RHBDF1: variants seen among roughly 807,000 people sequenced by gnomAD.
RHBDF1 encodes the protein rhomboid 5 homolog 1.
RHBDF1 carries 80 observed loss-of-function variants against 98.6 expected under a neutral mutation model. That is an observed-to-expected ratio of 0.81 (90% CI 0.68 to 0.98). The LOEUF (loss-of-function observed/expected upper bound fraction) is 0.98, where lower values mean the gene tolerates loss of function less well. Among genes scored for constraint, RHBDF1 ranks in the 50% least tolerant of loss-of-function variants. The pLI is 0.00. For missense variants in RHBDF1, 1,116 were observed against 1,198.3 expected, an observed-to-expected ratio of 0.93 and a Z score of 1.01; for synonymous variants, 512 against 486.8, an observed-to-expected ratio of 1.05 and a Z score of -0.68.
At chr16:74,204 C>G (rs1175837057), upstream of RHBDF1, among the ~76,000 whole-genome samples, 1 of 151,032 alleles carries the variant, frequency 6.6e-6, no homozygotes, top group African/African-American at 2.4e-5. Context: ...AGGCTCACAG[C>G]CAGAGACAGG....
chr16:70,828 G>C (rs1272776759), intron 1 of RHBDF1, among the ~76,000 whole-genome samples: 1 of 152,226 alleles, frequency 6.6e-6, no homozygotes, highest in African/African-American at 2.4e-5. Flanking sequence ...ACGGCTGTCA[G>C]ACCCTTCTAA....
At chr16:63,964 C>T in intron 3 of RHBDF1, 164 bp from the exon 4 acceptor site, 1 of 763,896 alleles carries the variant, frequency 1.3e-6, no homozygotes, top group Non-Finnish European at 2.3e-6. Flanking sequence ...TGGGTTCCAG[C>T]CACCCCCTGA....
At position 63,148 on chromosome 16, in the gene RHBDF1, C is replaced by T. The variant is rs1897709040; in HGVS notation, c.497G>A (p.Arg166His). The change falls in exon 5 of 18, where the codon CGT (arginine) becomes CAT (histidine). Residue 166 changes from arginine (R) to histidine (H), a missense_variant. Physicochemically the swap from Arg to His is conservative, Grantham distance 29. Coordinates refer to ENST00000262316, the MANE Select transcript of RHBDF1 (RefSeq NM_022450.5). The part of the protein sequence containing the change: ...IDPLARGRAF[R>H]VADDTAEGLS... ...GCCTTCCGCAGTGTCATCTGCCACA[C>T]GGAAGGCACGGCCACGGGCCAGGGG... 6.3e-7 allele frequency: 1 copy of T among 1,591,920 alleles called. No individual in the cohort carries two copies.
At chr16:65,456 C>T (rs2141859610) in intron 1 of RHBDF1, among the ~76,000 whole-genome samples, 1 of 152,322 alleles carries the variant, frequency 6.6e-6, no homozygotes, top group South Asian at 2.1e-4. Flanking sequence ...ACTAGGGTTG[C>T]TTGACAGGAG....
Position 58,634 on chromosome 16 carries a change from G to A in RHBDF1, c.2274C>T (p.Leu758=), listed in dbSNP as rs1342173261. Residue 758 remains leucine, a synonymous_variant, in exon 18 of 18, where the codon CTC becomes CTT. Coordinates refer to ENST00000262316, the MANE Select transcript of RHBDF1 (RefSeq NM_022450.5). ...TCCACGGCAGCAGCCCAAAGGTGAA[G>A]AGGAAGAGCACCACAGCCAGCAGCT... ...FFKLLAVVLF[L]FTFGLLPWID... 32 of 1,613,550 alleles carry A rather than the reference G, an allele frequency of 2.0e-5. No individual in the cohort carries two copies. The highest frequency in any genetic ancestry group is 2.7e-5 in the Non-Finnish European group (32 of 1,180,024).
rs752402341 is a variant in RHBDF1 at position 61,917 on chromosome 16, G to A, written c.1089C>T (p.Leu363=). The change falls in exon 8 of 18, where the codon CTC becomes CTT. Residue 363 remains leucine, a synonymous_variant. Coordinates refer to ENST00000262316, the MANE Select transcript of RHBDF1 (RefSeq NM_022450.5). ...CATACGGCCGCTTCTCCCGGGCGAA[G>A]AGCTTGCGCACCGGCACCGCGATAC... is the stretch of plus-strand genomic sequence containing the variant. ...GQRIAVPVRK[L]FAREKRPYGL... is the part of the protein sequence containing the mutation. The A allele has an allele frequency of 2.5e-6, 4 of 1,602,908 alleles. No homozygotes were observed. Among genetic ancestry groups the A allele is most frequent in the Non-Finnish European group, 3.4e-6 (4 of 1,179,600 alleles).
intron 1 of RHBDF1, among the ~76,000 whole-genome samples, chr16:67,836 T>A (rs1897867983): frequency 6.6e-6 from 1 of 152,162 alleles, no homozygotes; most frequent in Non-Finnish European, 1.5e-5. Flanking sequence ...GGAGGATTCC[T>A]CAAGATGACC....
chr16:62,051 G>T lies in RHBDF1; in HGVS notation c.955C>A (p.Pro319Thr). 2.7e-6 allele frequency: 4 copies of T among 1,460,614 alleles called. No individual in the cohort carries two copies. Among genetic ancestry groups the T allele is most frequent in the Non-Finnish European group, 3.6e-6 (4 of 1,110,948 alleles). The allele number at this position is 1,460,614 out of a possible 1,614,324, so 90.5% of individuals were successfully genotyped here. ...TGCTTCCGCCAGCCTCGCTCCAAGGGCCTGGAGGGAGCCGGCATTCACCTC... is the reference window on the plus strand; with the variant it reads ...TGCTTCCGCCAGCCTCGCTCCAAGGTCCTGGAGGGAGCCGGCATTCACCTC... ...SELERSHLML[P>T]LERGWRKQKE... is the part of the protein sequence containing the mutation. Residue 319 changes from proline (P) to threonine (T), a missense_variant and splice_region_variant, in exon 8 of 18, where the codon CCC becomes ACC. By Grantham distance (38) the Pro-to-Thr change is conservative. Transcript: ENST00000262316.
At chr16:63,560 G>A in intron 4 of RHBDF1, 27 bp downstream of exon 4, 1 of 1,514,392 alleles carries the variant, frequency 6.6e-7, no homozygotes, top group Non-Finnish European at 8.9e-7. Flanking sequence ...GGAGGGGCCT[G>A]CAGGAGGCAG....
At chr16:60,345 G>A in intron 12 of RHBDF1, 66 bp from the exon 13 acceptor site, 1 of 1,607,302 alleles carries the variant, frequency 6.2e-7, no homozygotes, top group Non-Finnish European at 8.5e-7. Flanking sequence ...TTCCAGCCAA[G>A]TCGCCAACAA....
At chr16:64,006 C>G in intron 3 of RHBDF1, 1 of 721,624 alleles carries the variant, frequency 1.4e-6, no homozygotes, top group Non-Finnish European at 2.5e-6. Flanking sequence ...TCCACTAGAC[C>G]GCAGCTGGCC....
Position 72,517 on chromosome 16 carries a change from G to C in RHBDF1, c.-29C>G, listed in dbSNP as rs1162650914. ...CTCCCGGCCGCGCTCACTCACTGCC[G>C]CCGCCGGGGGCTCTGGGGGGTCCTG... On this transcript the variant is annotated 5_prime_UTR_variant, in exon 1 of 18. Coordinates refer to ENST00000262316, the MANE Select transcript of RHBDF1 (RefSeq NM_022450.5). 2 of 831,070 alleles carry C rather than the reference G, an allele frequency of 2.4e-6. No individual in the cohort carries two copies. Among genetic ancestry groups the C allele is most frequent in the Non-Finnish European group, 2.6e-6 (2 of 759,822 alleles). 51.5% of individuals were successfully genotyped at this position (831,070 alleles called of 1,614,324 possible).
rs1192641195 is a variant in RHBDF1, at chr16:58,661, G to A, written c.2247C>T (p.Phe749=). 1.9e-6 allele frequency: 3 copies of A among 1,613,226 alleles called. No homozygotes were observed. The highest frequency in any genetic ancestry group is 2.2e-5 in the South Asian group (2 of 91,084). ...GGAAGAGCACCACAGCCAGCAGCTT[G>A]AAGAAGGCACGCCAGGGCCGCGCCA... ...QILARPWRAF[F]KLLAVVLFLF... Residue 749 remains phenylalanine, a synonymous_variant, in exon 18 of 18, where the codon TTC becomes TTT. Transcript: ENST00000262316.
intron 10 of RHBDF1, 22 bp from the exon 11 acceptor site, chr16:61,303 G>C: frequency 1.3e-6 from 2 of 1,541,750 alleles, no homozygotes; most frequent in African/African-American, 1.4e-5. Context: ...GGAGACGAGC[G>C]GCCGCAGTCC....
In RHBDF1 at chr16:63,735, C is replaced by T. The variant is rs770517931; in HGVS notation, c.314G>A (p.Ser105Asn). Residue 105 changes from serine to asparagine, a missense_variant, in exon 4 of 18, where the codon AGC (serine) becomes AAC (asparagine). Physicochemically the swap from Ser to Asn is conservative, Grantham distance 46. Transcript: ENST00000262316. ...GTAGCGCTGGCTGCAGTGACGGATGCTCTTGCGCTGCCATTTCTGGGTGCT... is the reference window on the plus strand; with the variant it reads ...GTAGCGCTGGCTGCAGTGACGGATGTTCTTGCGCTGCCATTTCTGGGTGCT... The part of the protein sequence containing the change: ...SDSTQKWQRK[S>N]IRHCSQRYGK... The T allele has an allele frequency of 6.2e-7, 1 of 1,613,758 alleles. No individual in the cohort carries two copies. The highest frequency in any genetic ancestry group is 8.5e-7 in the Non-Finnish European group (1 of 1,179,960).
intron 13 of RHBDF1, 51 bp from the exon 14 acceptor site, chr16:59,877 C>G (rs1455921015): frequency 6.2e-7 from 1 of 1,612,408 alleles, no homozygotes; most frequent in African/African-American, 1.3e-5. Context: ...CAACCTTTGG[C>G]CCCACACCAC....
intron 1 of RHBDF1, among the ~76,000 whole-genome samples, chr16:71,606 G>A: frequency 6.6e-6 from 1 of 152,204 alleles, no homozygotes; most frequent in East Asian, 1.9e-4. Context: ...TCCCAGGATA[G>A]GAGAAGGGCC....
At chr16:64,465 G>T in intron 3 of RHBDF1, 2 of 1,505,630 alleles carry the variant, frequency 1.3e-6, no homozygotes, top group Non-Finnish European at 1.8e-6. Context: ...CATCCGGGCG[G>T]TGGAGACAGA....
chr16:74,052 C>T, upstream of RHBDF1: 1 of 587,698 alleles, frequency 1.7e-6, no homozygotes, highest in South Asian at 7.4e-5. Context: ...TAGAAGGAGA[C>T]AATGGAAGCT....
Sources: gnomAD v4.1 joint callset for allele counts (sites outside exome capture counted in the v4.1 genomes callset) on GRCh38, gnomAD v4.1.1 for gene constraint, MANE v1.5 for transcripts, NCBI Gene and HGNC (gene_info 2026-07-23, HGNC 2026-07-21) for gene names.